The following DPP10 variants were observed in gnomAD, a reference collection of about 807,000 sequenced individuals.
DPP10 encodes inactive dipeptidyl peptidase 10.
Under a neutral mutation model 120.9 loss-of-function variants are expected in DPP10, and 33 were observed. The observed-to-expected ratio is 0.27, with a 90% CI of 0.21 to 0.37. The LOEUF (loss-of-function observed/expected upper bound fraction) is 0.37, where lower values mean the gene tolerates loss of function less well. Ranked by LOEUF, DPP10 falls within the 10% of genes least tolerant of loss-of-function variation. The probability of loss-of-function intolerance (pLI) is 1.00; values close to 1 mark genes in which losing one functional copy is unlikely to be tolerated. For missense variants in DPP10, 816 were observed against 942.8 expected (o/e 0.87, Z 1.76); for synonymous variants, 337 against 326.1 (o/e 1.03, Z -0.36).
intron 1 of DPP10, among the ~76,000 whole-genome samples, chr2:114,449,840 C>T (rs1678158562): frequency 6.6e-6 from 1 of 151,994 alleles, no homozygotes; most frequent in South Asian, 2.1e-4. Flanking sequence ...ATTTTATTTG[C>T]AATTATTATT....
intron 5 of DPP10, among the ~76,000 whole-genome samples, chr2:115,527,951 T>C (rs879435456): frequency 6.6e-6 from 1 of 152,180 alleles, no homozygotes; most frequent in Non-Finnish European, 1.5e-5. Flanking sequence ...GATATTTTGA[T>C]AGTTTTTTAA....
intron 1 of DPP10, among the ~76,000 whole-genome samples, chr2:114,707,534 T>C (rs1700761690): frequency 6.6e-6 from 1 of 152,194 alleles, no homozygotes; most frequent in South Asian, 2.1e-4. Flanking sequence ...AGCAAAATTT[T>C]TAAACTTTGG....
At chr2:115,811,522 A>G (rs1686643991) in intron 19 of DPP10, among the ~76,000 whole-genome samples, 1 of 152,222 alleles carries the variant, frequency 6.6e-6, no homozygotes, top group Non-Finnish European at 1.5e-5. Context: ...AAAATGTCTG[A>G]CTTATTTACA....
intron 5 of DPP10, among the ~76,000 whole-genome samples, chr2:115,585,071 T>A (rs976729669): frequency 1.3e-5 from 2 of 152,214 alleles, no homozygotes; most frequent in Non-Finnish European, 2.9e-5. Context: ...AGCAATAACC[T>A]TATTACAGGG....
chr2:114,968,606 T>C (rs1699193657), intron 1 of DPP10, among the ~76,000 whole-genome samples: 1 of 152,208 alleles, frequency 6.6e-6, no homozygotes, highest in Non-Finnish European at 1.5e-5. Flanking sequence ...ATTTATTATA[T>C]GTTATACACA....
At chr2:115,496,819 GA>G (rs1234751657) in intron 3 of DPP10, among the ~76,000 whole-genome samples, 1 of 152,122 alleles carries the variant, frequency 6.6e-6, no homozygotes, top group Admixed American at 6.6e-5. Context: ...CCATGTGGGA[GA>G]ACTGGAGTTA....
intron 5 of DPP10, among the ~76,000 whole-genome samples, chr2:115,564,667 C>A (rs912250758): frequency 6.6e-6 from 1 of 152,018 alleles, no homozygotes; most frequent in Non-Finnish European, 1.5e-5. Context: ...TCACACACAG[C>A]CTAGTGTTTT....
At chr2:114,461,953 C>A in intron 1 of DPP10, 1 of 985,242 alleles carries the variant, frequency 1.0e-6, no homozygotes, top group Non-Finnish European at 1.2e-6. Context: ...AATAATGAGG[C>A]CTCGACCATC....
intron 3 of DPP10, among the ~76,000 whole-genome samples, chr2:115,393,579 T>C (rs934458324): frequency 7.2e-5 from 11 of 152,172 alleles, no homozygotes; most frequent in African/African-American, 2.7e-4. Flanking sequence ...GAAAGGATTG[T>C]ATTAAATTCA....
chr2:115,838,122 T>TACA (rs1689724345), intron 24 of DPP10, among the ~76,000 whole-genome samples: 1 of 152,176 alleles, frequency 6.6e-6, no homozygotes, highest in South Asian at 2.1e-4. Flanking sequence ...AACTCTGTAC[T>TACA]ATCTCTGCAA....
At chr2:115,471,801 T>TG in intron 3 of DPP10, among the ~76,000 whole-genome samples, 1 of 151,594 alleles carries the variant, frequency 6.6e-6, no homozygotes, top group Middle Eastern at 3.4e-3. Context: ...TTGTTGTTGT[T>TG]TAGAGACAAG....
chr2:114,577,814 G>T (rs1466589087), intron 1 of DPP10, among the ~76,000 whole-genome samples: 4 of 152,116 alleles, frequency 2.6e-5, no homozygotes, highest in Admixed American at 6.6e-5. Flanking sequence ...ATCTTTGGAA[G>T]AAGCATCACC....
At chr2:115,587,197 A>G (rs2082348951) in intron 5 of DPP10, among the ~76,000 whole-genome samples, 1 of 142,810 alleles carries the variant, frequency 7.0e-6, no homozygotes, top group Non-Finnish European at 1.5e-5. Context: ...TCCCGGGTTC[A>G]CGCCATTCTC....
intron 1 of DPP10, among the ~76,000 whole-genome samples, chr2:114,505,871 C>T (rs774171675): frequency 6.6e-5 from 10 of 152,148 alleles, no homozygotes; most frequent in South Asian, 4.1e-4. Context: ...TTCATTGTGA[C>T]GAGTTCATGC....
chr2:115,504,004 A>C (rs1283173786), intron 4 of DPP10, among the ~76,000 whole-genome samples: 1 of 152,158 alleles, frequency 6.6e-6, no homozygotes, highest in East Asian at 1.9e-4. Context: ...GTGGGATCAA[A>C]GTAATGACTT....
At chr2:114,476,825 C>A (rs550175453) in intron 1 of DPP10, among the ~76,000 whole-genome samples, 2 of 152,042 alleles carry the variant, frequency 1.3e-5, no homozygotes, top group Non-Finnish European at 2.9e-5. Flanking sequence ...TAGTCAGCAC[C>A]CAGCTAAAGA....
chr2:115,435,097 A>G (rs574717993), intron 3 of DPP10, among the ~76,000 whole-genome samples: 9 of 150,860 alleles, frequency 6.0e-5, no homozygotes, highest in South Asian at 4.2e-4. Flanking sequence ...GTATTCATTC[A>G]TCTGTTATTC....
intron 1 of DPP10, among the ~76,000 whole-genome samples, chr2:114,617,572 A>C (rs1271742099): frequency 6.6e-6 from 1 of 151,894 alleles, no homozygotes; most frequent in Non-Finnish European, 1.5e-5. Flanking sequence ...TTGAGATGTC[A>C]CTCTGTGTGC....
At chr2:115,107,774 T>C (rs2049023008) in intron 1 of DPP10, among the ~76,000 whole-genome samples, 2 of 152,142 alleles carry the variant, frequency 1.3e-5, no homozygotes, top group African/African-American at 4.8e-5. Flanking sequence ...ATATTACTAT[T>C]ACAATTTCGA....
Sources: gnomAD v4.1 joint callset for allele counts (sites outside exome capture counted in the v4.1 genomes callset) on GRCh38, gnomAD v4.1.1 for gene constraint, MANE v1.5 for transcripts, NCBI Gene and HGNC (gene_info 2026-07-23, HGNC 2026-07-21) for gene names.